Variants in GMCL1 observed in about 807,000 individuals in gnomAD.
The protein encoded by GMCL1 is germ cell-less protein-like 1.
A neutral mutation model predicts 75.5 loss-of-function variants in GMCL1; 54 were observed. That is an observed-to-expected ratio of 0.71 (90% confidence interval 0.57 to 0.90). The LOEUF is 0.90. GMCL1 is among the 40% of genes least tolerant of loss of function. The probability of loss-of-function intolerance (pLI) is 0.00; values close to 1 mark genes in which losing one functional copy is unlikely to be tolerated. For synonymous variants in GMCL1, 210 were observed against 209.6 expected, an observed-to-expected ratio of 1.00 and a Z score of -0.02; for missense variants, 537 against 622.7, an observed-to-expected ratio of 0.86 and a Z score of 1.47.
At chr2:69,842,546 A>G (rs993143521) in intron 4 of GMCL1, among the ~76,000 whole-genome samples, 7 of 152,178 alleles carry the variant, frequency 4.6e-5, no homozygotes, top group Non-Finnish European at 7.4e-5. Context: ...ATATACCTGC[A>G]TGATGAATGT....
intron 9 of GMCL1, among the ~76,000 whole-genome samples, chr2:69,859,965 G>A (rs949033811): frequency 6.6e-6 from 1 of 151,922 alleles, no homozygotes; most frequent in Non-Finnish European, 1.5e-5. Context: ...ATAAACAAGA[G>A]CAGAAAGATA....
At chr2:69,855,584 T>G (rs1675447393) in intron 9 of GMCL1, among the ~76,000 whole-genome samples, 1 of 152,162 alleles carries the variant, frequency 6.6e-6, no homozygotes, top group Non-Finnish European at 1.5e-5. Context: ...TTTTGACACC[T>G]TAATTGTGAC....
chr2:69,854,148 T>TATTATC (rs1290624569), intron 8 of GMCL1, among the ~76,000 whole-genome samples: 1 of 141,452 alleles, frequency 7.1e-6, no homozygotes, highest in African/African-American at 2.7e-5. Flanking sequence ...TTATTATTAT[T>TATTATC]ATCATTATTA....
At chr2:69,837,481 T>C in intron 1 of GMCL1, 66 bp from the exon 2 acceptor site, 1 of 1,201,194 alleles carries the variant, frequency 8.3e-7, no homozygotes, top group South Asian at 1.5e-5. Flanking sequence ...TATTTAGAAA[T>C]ATATGCAAAA....
At chr2:69,876,372 T>C (rs17037193) in intron 13 of GMCL1, among the ~76,000 whole-genome samples, 31,514 of 152,060 alleles carry the variant, frequency 0.21, 3,407 homozygotes, top group African/African-American at 0.25. Context: ...AGCAATTTAA[T>C]TTACAGTAGT....
At chr2:69,852,559 A>G (rs1675349877) in intron 8 of GMCL1, among the ~76,000 whole-genome samples, 1 of 134,720 alleles carries the variant, frequency 7.4e-6, no homozygotes, top group Non-Finnish European at 1.6e-5. Context: ...TTTTTTTGAG[A>G]CAGAGTCTTG....
At chr2:69,856,432 T>G (rs530686584) in intron 9 of GMCL1, among the ~76,000 whole-genome samples, 6 of 152,254 alleles carry the variant, frequency 3.9e-5, no homozygotes, top group African/African-American at 1.4e-4. Flanking sequence ...TATTTTAGGA[T>G]TCAACTGTGT....
Position 69,866,110 on chromosome 2 carries a change from G to A in GMCL1, c.1218+1135G>A, listed in dbSNP as rs575765692. On this transcript the variant is annotated intron_variant, in intron 11 of 13. Coordinates refer to ENST00000282570, the MANE Select transcript of GMCL1 (RefSeq NM_178439.5). ...CTAAAAATACAAAAATTCTCTGGGC[G>A]TAGTGGTGTATGCCTGTAGTCCTAG... 3.9e-5 allele frequency among the ~76,000 whole-genome samples: 6 copies of A among 152,180 alleles called. No homozygotes were observed. The South Asian group carries it at 8.3e-4, about 21-fold the overall frequency.
chr2:69,842,415 G>A (rs1675012137), intron 4 of GMCL1, among the ~76,000 whole-genome samples: 1 of 152,114 alleles, frequency 6.6e-6, no homozygotes, highest in Non-Finnish European at 1.5e-5. Context: ...TTTTCAAAAT[G>A]TTTTGATCCT....
At chr2:69,844,972 T>C (rs1675093545) in intron 6 of GMCL1, 1 of 171,152 alleles carries the variant, frequency 5.8e-6, no homozygotes, top group Non-Finnish European at 1.3e-5. Context: ...CCTCAGGGTT[T>C]CTCTACCAGA....
Position 69,830,063 on chromosome 2 carries a change from G to A in GMCL1, c.171G>A (p.Gly57=). ...AGSHKRKRSS[G]SFCYCHPDSE... ...GCCACAAGCGCAAGCGGAGCAGCGGGTCCTTCTGCTACTGTCACCCTGACT... is the reference window on the plus strand; with the variant it reads ...GCCACAAGCGCAAGCGGAGCAGCGGATCCTTCTGCTACTGTCACCCTGACT... Residue 57 remains glycine (G), a synonymous_variant, in exon 1 of 14, where the codon GGG becomes GGA. Transcript: ENST00000282570. 6 of 1,571,044 alleles carry A rather than the reference G, an allele frequency of 3.8e-6. No individual in the cohort carries two copies. Among genetic ancestry groups the A allele is most frequent in the Non-Finnish European group, 5.2e-6 (6 of 1,157,494 alleles).
rs149795797 is a variant in GMCL1, at chr2:69,835,365, G to A, written c.261-2182G>A. On this transcript the variant is annotated intron_variant, in intron 1 of 13. Transcript: ENST00000282570. ...ATAATCTCAGATCTCTAGGTATACT[G>A]GTGAGAGGGTGTTTTTTTCCTCTCT... Among the ~76,000 whole-genome samples, 960 of 152,048 alleles carry A rather than the reference G, an allele frequency of 6.3e-3. 6 individuals are homozygous for A. The highest frequency in any genetic ancestry group is 0.022 in the African/African-American group (902 of 41,472).
At position 69,878,245 on chromosome 2, in the gene GMCL1, G is replaced by A. The variant is rs146849084; in HGVS notation, c.1453-664G>A. Among the ~76,000 whole-genome samples the A allele has an allele frequency of 1.5e-3, 232 of 152,292 alleles. 1 individual carries two copies. Among genetic ancestry groups the A allele is most frequent in the Middle Eastern group, 6.8e-3 (2 of 294 alleles). On this transcript the variant is annotated intron_variant, in intron 13 of 13. Coordinates refer to ENST00000282570, the MANE Select transcript of GMCL1 (RefSeq NM_178439.5). ...ATTACATGTTTGTCATAGGGACAGT[G>A]GGAAATGTCAATAGTAGGAACCCTG...
chr2:69,878,459 C>T (rs1024375118), intron 13 of GMCL1, among the ~76,000 whole-genome samples: 4 of 151,948 alleles, frequency 2.6e-5, no homozygotes, highest in Non-Finnish European at 5.9e-5. Flanking sequence ...CCAGCTTGGG[C>T]AATATAGAAA....
At chr2:69,858,041 A>C (rs1013532489) in intron 9 of GMCL1, among the ~76,000 whole-genome samples, 3 of 152,164 alleles carry the variant, frequency 2.0e-5, no homozygotes, top group African/African-American at 4.8e-5. Context: ...AATTCAATCT[A>C]ATGTATCTCA....
chr2:69,854,111 CTATTT>C (rs1244812987), intron 8 of GMCL1, among the ~76,000 whole-genome samples: 1 of 143,360 alleles, frequency 7.0e-6, no homozygotes, highest in East Asian at 2.1e-4. Flanking sequence ...CCAAATTATT[CTATTT>C]TCAGTATTAT....
At chr2:69,841,327 A>T (rs1418984698) in intron 4 of GMCL1, among the ~76,000 whole-genome samples, 1 of 152,114 alleles carries the variant, frequency 6.6e-6, no homozygotes, top group Admixed American at 6.5e-5. Context: ...TCATTTACAG[A>T]TTTCATTAAT....
At chr2:69,865,031 C>A in intron 11 of GMCL1, 56 bp downstream of exon 11, 1 of 1,271,420 alleles carries the variant, frequency 7.9e-7, no homozygotes, top group Non-Finnish European at 1.1e-6. Context: ...ATCAGCACAT[C>A]CTGCACCTGT....
At chr2:69,872,638 T>C (rs953676710) in intron 13 of GMCL1, among the ~76,000 whole-genome samples, 1 of 152,164 alleles carries the variant, frequency 6.6e-6, no homozygotes, top group Non-Finnish European at 1.5e-5. Context: ...AACAGCATTC[T>C]TACAGAGGGG....
Sources: allele counts gnomAD v4.1 joint callset (sites outside exome capture counted in the v4.1 genomes callset), GRCh38; gene constraint gnomAD v4.1.1; transcripts MANE v1.5; gene names NCBI Gene and HGNC (gene_info 2026-07-23, HGNC 2026-07-21).